Variants in NAALADL2 observed in about 807,000 individuals in gnomAD.
NAALADL2 encodes inactive N-acetylated-alpha-linked acidic dipeptidase-like protein 2.
NAALADL2 carries 76 observed loss-of-function variants against 87.2 expected under a neutral mutation model. The observed-to-expected ratio is 0.87, with a 90% confidence interval of 0.72 to 1.05. The LOEUF (loss-of-function observed/expected upper bound fraction) is 1.05, where lower values mean the gene tolerates loss of function less well. NAALADL2 is among the 50% of genes least tolerant of loss of function. NAALADL2 has a pLI of 0.00. For synonymous variants in NAALADL2, 354 were observed against 331.0 expected, an observed-to-expected ratio of 1.07 and a Z score of -0.75; for missense variants, 1,089 against 945.8, an observed-to-expected ratio of 1.15 and a Z score of -1.99.
At chr3:175,370,017 G>T (rs1386559657) in intron 5 of NAALADL2, among the ~76,000 whole-genome samples, 4 of 152,100 alleles carry the variant, frequency 2.6e-5, no homozygotes, top group Non-Finnish European at 5.9e-5. Context: ...TGCTAAGATT[G>T]AATTTAATAT....
At chr3:175,513,390 G>A (rs572196468) in intron 9 of NAALADL2, among the ~76,000 whole-genome samples, 1 of 152,216 alleles carries the variant, frequency 6.6e-6, no homozygotes, top group South Asian at 2.1e-4. Context: ...CAAAAACCAT[G>A]TGTCAGTGAC....
At chr3:174,679,572 C>T (rs960525270) in intron 2 of NAALADL2, among the ~76,000 whole-genome samples, 3 of 152,026 alleles carry the variant, frequency 2.0e-5, no homozygotes, top group Non-Finnish European at 4.4e-5. Context: ...TGGGGTGTTC[C>T]TATAACAGCA....
At chr3:175,801,975 A>G (rs1005059200) in intron 13 of NAALADL2, among the ~76,000 whole-genome samples, 2 of 152,128 alleles carry the variant, frequency 1.3e-5, no homozygotes, top group Admixed American at 6.6e-5. Flanking sequence ...TATATAAAAG[A>G]AGAGAGAACA....
intron 1 of NAALADL2, among the ~76,000 whole-genome samples, chr3:174,499,040 A>G (rs529305739): frequency 6.6e-6 from 1 of 152,182 alleles, no homozygotes; most frequent in East Asian, 1.9e-4. Flanking sequence ...AATCTTTTTT[A>G]TGTTATAATT....
intron 9 of NAALADL2, among the ~76,000 whole-genome samples, chr3:175,571,300 T>C (rs1454336847): frequency 1.3e-5 from 2 of 152,162 alleles, no homozygotes; most frequent in African/African-American, 4.8e-5. Flanking sequence ...GACATAACCA[T>C]GGTCCTTGCC....
chr3:174,675,867 A>T (rs1017463440), intron 2 of NAALADL2, among the ~76,000 whole-genome samples: 8 of 152,110 alleles, frequency 5.3e-5, no homozygotes, highest in Non-Finnish European at 8.8e-5. Flanking sequence ...GTAAATTCCA[A>T]TGTCCACAGA....
chr3:175,178,003 T>C (rs190449112), intron 2 of NAALADL2, among the ~76,000 whole-genome samples: 2 of 152,208 alleles, frequency 1.3e-5, no homozygotes, highest in African/African-American at 2.4e-5. Context: ...AAGAGCTGTT[T>C]TGGAGCATGG....
chr3:175,148,485 T>C (rs1731099525), intron 2 of NAALADL2, among the ~76,000 whole-genome samples: 1 of 152,176 alleles, frequency 6.6e-6, no homozygotes, highest in Non-Finnish European at 1.5e-5. Flanking sequence ...ATGCAGTTAC[T>C]TTGGAGGACT....
intron 9 of NAALADL2, among the ~76,000 whole-genome samples, chr3:175,518,656 C>A (rs1477567444): frequency 6.6e-6 from 1 of 152,138 alleles, no homozygotes; most frequent in African/African-American, 2.4e-5. Context: ...GGGTCAAACA[C>A]GCTAGTTCAG....
chr3:175,489,063 A>G (rs971305716), intron 9 of NAALADL2, among the ~76,000 whole-genome samples: 3 of 152,198 alleles, frequency 2.0e-5, no homozygotes, highest in African/African-American at 7.2e-5. Context: ...AAGAATGAAA[A>G]ATTACGTTTA....
intron 4 of NAALADL2, among the ~76,000 whole-genome samples, chr3:175,282,817 C>T (rs910972346): frequency 6.6e-6 from 1 of 151,778 alleles, no homozygotes; most frequent in East Asian, 1.9e-4. Context: ...TTGGGTTTTA[C>T]GAGTCAACTT....
intron 2 of NAALADL2, among the ~76,000 whole-genome samples, chr3:175,142,167 A>T (rs913746713): frequency 6.6e-6 from 1 of 152,084 alleles, no homozygotes. Context: ...GTTTAGTACG[A>T]TTCTTGTCCT....
In NAALADL2 at chr3:174,713,341, A is replaced by G. The variant is rs568922261; in HGVS notation, c.-114-24300A>G. On this transcript the variant is annotated intron_variant, in intron 2 of 3. Transcript: ENST00000434257. ...CCCAGTAATGGGATTGGTGGGTCAA[A>G]TGGTATTTCTAGTTCTAGATCCCTG... is the stretch of plus-strand genomic sequence containing the variant. 1.2e-4 allele frequency among the ~76,000 whole-genome samples: 18 copies of G among 152,310 alleles called. No homozygotes were observed. In the East Asian group the frequency reaches 3.3e-3, roughly 28 times the overall value.
intron 9 of NAALADL2, among the ~76,000 whole-genome samples, chr3:175,527,120 A>T (rs77093199): frequency 0.018 from 2,778 of 152,224 alleles, 87 homozygotes; most frequent in African/African-American, 0.064. Context: ...TCTGAGGAAG[A>T]AAAGGGACCT....
At chr3:175,212,597 A>AT (rs1444522424) in intron 2 of NAALADL2, among the ~76,000 whole-genome samples, 2 of 146,796 alleles carry the variant, frequency 1.4e-5, no homozygotes, top group Admixed American at 6.8e-5. Context: ...CTCCTCCTCC[A>AT]TTTTTTCTTC....
intron 2 of NAALADL2, among the ~76,000 whole-genome samples, chr3:175,184,370 G>C (rs2109012472): frequency 6.6e-6 from 1 of 152,156 alleles, no homozygotes; most frequent in Middle Eastern, 3.4e-3. Context: ...TAAATCTACA[G>C]ATAATGAACT....
At chr3:175,488,777 G>T (rs977016256) in intron 9 of NAALADL2, among the ~76,000 whole-genome samples, 1 of 152,202 alleles carries the variant, frequency 6.6e-6, no homozygotes, top group Non-Finnish European at 1.5e-5. Context: ...TTATGAAAAC[G>T]TGTTTGTACT....
chr3:174,529,145 G>A (rs899758559), intron 1 of NAALADL2, among the ~76,000 whole-genome samples: 2 of 152,202 alleles, frequency 1.3e-5, no homozygotes, highest in Admixed American at 6.5e-5. Flanking sequence ...AGATACAATA[G>A]GAGTATAAGA....
chr3:175,133,096 A>G (rs1176833017), intron 2 of NAALADL2, among the ~76,000 whole-genome samples: 6 of 145,710 alleles, frequency 4.1e-5, no homozygotes, highest in Admixed American at 1.4e-4. Context: ...GCGGCGGGGC[A>G]GAGGCGCTCC....
Sources: gnomAD v4.1 joint callset for allele counts (sites outside exome capture counted in the v4.1 genomes callset) on GRCh38, gnomAD v4.1.1 for gene constraint, MANE v1.5 for transcripts, NCBI Gene and HGNC (gene_info 2026-07-23, HGNC 2026-07-21) for gene names.